BLTP2: variants seen among roughly 807,000 people sequenced by gnomAD.
BLTP2 encodes the protein bridge-like lipid transfer protein family member 2.
At chr17:28,616,196 T>C in the BLTP2 span, 55 of 1,613,632 alleles carry the variant, frequency 3.4e-5, 1 homozygote, top group Non-Finnish European at 3.5e-5. The surrounding 1 kb of genome is among the most constrained non-coding windows in gnomAD (Gnocchi z 4.8). Flanking sequence ...ATCCACAGGG[T>C]GCTAAGAAAG....
chr17:28,620,266 G>A, the BLTP2 span, among the ~76,000 whole-genome samples: 1 of 152,190 alleles, frequency 6.6e-6, no homozygotes, highest in Non-Finnish European at 1.5e-5. Flanking sequence ...AGGTGTCTAG[G>A]TGACTGAGTA....
the BLTP2 span, chr17:28,645,048 CAG>C: frequency 6.2e-7 from 1 of 1,600,730 alleles, no homozygotes; most frequent in Non-Finnish European, 8.5e-7. Flanking sequence ...CGGAGAAGAA[CAG>C]AGGCATTTAG....
chr17:28,635,004 T>G, the BLTP2 span: 1 of 1,613,202 alleles, frequency 6.2e-7, no homozygotes. Flanking sequence ...GGACAGGGCT[T>G]GGAGAGGCCC....
the BLTP2 span, chr17:28,643,449 T>C: frequency 1.5e-6 from 2 of 1,365,248 alleles, no homozygotes; most frequent in East Asian, 2.3e-5. Context: ...CAGTTATCAA[T>C]ATCTTCCTCA....
chr17:28,644,535 GGTCT>G, the BLTP2 span, among the ~76,000 whole-genome samples: 67 of 152,298 alleles, frequency 4.4e-4, 1 homozygote, highest in African/African-American at 1.4e-3. Context: ...CTCCCCAGAG[GGTCT>G]GTCTGTCTCC....
chr17:28,615,609 G>A, the BLTP2 span: 3 of 1,586,144 alleles, frequency 1.9e-6, no homozygotes, highest in East Asian at 4.5e-5. Context: ...CTCCTGAAAA[G>A]AGGATCTGCC....
the BLTP2 span, among the ~76,000 whole-genome samples, chr17:28,637,324 A>T: frequency 6.6e-6 from 1 of 152,102 alleles, no homozygotes. Flanking sequence ...TCCCTTTCCC[A>T]TCTTAACCTA....
At chr17:28,615,727 T>C in the BLTP2 span, 1 of 1,614,190 alleles carries the variant, frequency 6.2e-7, no homozygotes, top group Non-Finnish European at 8.5e-7. Context: ...GCCATGTCCA[T>C]GTGTTGTTGT....
At chr17:28,621,086 C>T in the BLTP2 span, 1 of 1,614,166 alleles carries the variant, frequency 6.2e-7, no homozygotes, top group East Asian at 2.2e-5. Flanking sequence ...ATGGCTGTAA[C>T]TAATATAGTA....
At chr17:28,642,736 G>A in the BLTP2 span, 2 of 662,012 alleles carry the variant, frequency 3.0e-6, no homozygotes, top group South Asian at 1.9e-5. Flanking sequence ...AAGGGACAAG[G>A]CAATTGGAAA....
chr17:28,615,134 C>T, the BLTP2 span: 3 of 1,613,988 alleles, frequency 1.9e-6, no homozygotes, highest in African/African-American at 1.3e-5. Flanking sequence ...AATGAGGAGC[C>T]GGGCTTTCTC....
At chr17:28,619,056 G>A in the BLTP2 span, 2 of 1,070,268 alleles carry the variant, frequency 1.9e-6, no homozygotes, top group Non-Finnish European at 2.7e-6. Flanking sequence ...AATGATGCAG[G>A]AGGTAAACCC....
the BLTP2 span, chr17:28,639,224 A>G: frequency 7.5e-7 from 1 of 1,339,662 alleles, no homozygotes; most frequent in South Asian, 1.2e-5. Flanking sequence ...CAAACAACCA[A>G]ATACATATTT....
At chr17:28,636,833 G>T in the BLTP2 span, 1 of 738,204 alleles carries the variant, frequency 1.4e-6, no homozygotes, top group Non-Finnish European at 2.2e-6. Context: ...GAGCCCAGTA[G>T]TTTAAGACCA....
the BLTP2 span, chr17:28,616,282 T>C: frequency 6.2e-7 from 1 of 1,602,152 alleles, no homozygotes; most frequent in Non-Finnish European, 8.5e-7. This position sits in a 1 kb window ranked among gnomAD's most constrained non-coding sequence, Gnocchi z 4.8. Context: ...CTTTTATCCC[T>C]AGAATGGACT....
At chr17:28,634,039 G>T in the BLTP2 span, 1 of 1,614,110 alleles carries the variant, frequency 6.2e-7, no homozygotes, top group Non-Finnish European at 8.5e-7. Flanking sequence ...CCCATTAGCC[G>T]CCAGTCACGG....
chr17:28,636,616 C>T, the BLTP2 span, among the ~76,000 whole-genome samples: 42 of 152,210 alleles, frequency 2.8e-4, no homozygotes, highest in African/African-American at 1.0e-3. Context: ...TCTTGGTATA[C>T]AAAAGCTTAT....
the BLTP2 span, chr17:28,634,612 T>C: frequency 3.7e-6 from 6 of 1,614,202 alleles, no homozygotes; most frequent in Non-Finnish European, 4.2e-6. Context: ...ATCAAGCTCT[T>C]GAACCTGTTC....
chr17:28,638,150 T>A, the BLTP2 span: 1 of 1,599,230 alleles, frequency 6.3e-7, no homozygotes, highest in Non-Finnish European at 8.5e-7. Context: ...AGTTTTATAA[T>A]GCCCTAATGC....
Sources: gnomAD v4.1 joint callset for allele counts (sites outside exome capture counted in the v4.1 genomes callset) on GRCh38, gnomAD v4.1.1 for gene constraint, Gnocchi (gnomAD v3.1) non-coding constraint, MANE v1.5 for transcripts, NCBI Gene and HGNC (gene_info 2026-07-23, HGNC 2026-07-21) for gene names.